ARHGAP32: variants seen among roughly 807,000 people sequenced by gnomAD.
ARHGAP32 encodes Rho GTPase activating protein 32, also known as rho GTPase-activating protein 32.
ARHGAP32 carries 51 observed loss-of-function variants against 186.5 expected under a neutral mutation model. That is an observed-to-expected ratio of 0.27 (90% CI 0.22 to 0.35). The LOEUF (loss-of-function observed/expected upper bound fraction) is 0.35, where lower values mean the gene tolerates loss of function less well. Ranked by LOEUF, ARHGAP32 falls within the 10% of genes least tolerant of loss-of-function variation. ARHGAP32 has a pLI of 1.00. For missense variants in ARHGAP32, 2,186 were observed against 2,623.5 expected (o/e 0.83, Z 3.64); for synonymous variants, 950 against 964.3 (o/e 0.99, Z 0.27).
At chr11:129,248,030 G>C (rs776390990) in intron 1 of ARHGAP32, among the ~76,000 whole-genome samples, 4 of 151,998 alleles carry the variant, frequency 2.6e-5, no homozygotes, top group Non-Finnish European at 5.9e-5. Context: ...AGGAAAGTGA[G>C]GGCCGGGCGT....
At chr11:128,972,101 T>C (rs1945392249) in intron 22 of ARHGAP32, 2 of 161,888 alleles carry the variant, frequency 1.2e-5, no homozygotes, top group South Asian at 2.0e-4. Flanking sequence ...GAGTCAGTGA[T>C]GGAGTTGGAA....
rs770772551 is a variant in ARHGAP32, at chr11:128,969,906, G to C, written c.5307C>G (p.Ile1769Met). 1.9e-6 allele frequency: 3 copies of C among 1,614,082 alleles called. No homozygotes were observed. Among genetic ancestry groups the C allele is most frequent in the African/African-American group, 2.7e-5 (2 of 74,926 alleles). The change falls in exon 23 of 23, where the codon ATC becomes ATG. Residue 1769 changes from isoleucine (I) to methionine (M), a missense_variant. Transcript: ENST00000682385. The surrounding 1 kb of genome is among the most constrained non-coding windows in gnomAD (Gnocchi z 4.8). ...EDMEKYRMQS[I>M]RRESRARQKV... The stretch of plus-strand genomic sequence containing the variant: ...TCTGCCGAGCACGGCTCTCTCTCCG[G>C]ATGGACTGCATGCGGTATTTTTCCA...
intron 10 of ARHGAP32, among the ~76,000 whole-genome samples, chr11:129,044,556 GA>G (rs1270242607): frequency 6.6e-6 from 1 of 152,152 alleles, no homozygotes; most frequent in Non-Finnish European, 1.5e-5. Context: ...TTGGCTACCA[GA>G]ACTGCTAGAG....
chr11:129,247,620 T>C (rs868424395), intron 1 of ARHGAP32, among the ~76,000 whole-genome samples: 3 of 152,244 alleles, frequency 2.0e-5, no homozygotes, highest in African/African-American at 7.2e-5. Flanking sequence ...ATGAAAGGTA[T>C]GATACAGCAA....
At chr11:129,149,507 T>C (rs1383099846) in intron 2 of ARHGAP32, among the ~76,000 whole-genome samples, 1 of 152,200 alleles carries the variant, frequency 6.6e-6, no homozygotes, top group Non-Finnish European at 1.5e-5. Context: ...CTGGTAGTCC[T>C]GCTGGGTGGC....
At chr11:129,010,631 A>C (rs1050533536) in intron 11 of ARHGAP32, among the ~76,000 whole-genome samples, 14 of 152,104 alleles carry the variant, frequency 9.2e-5, no homozygotes, top group Non-Finnish European at 4.4e-5. Context: ...TGAGTTCTCT[A>C]TTCTGGGAAA....
intron 2 of ARHGAP32, among the ~76,000 whole-genome samples, chr11:129,146,792 A>G (rs1943175506): frequency 1.3e-5 from 2 of 152,110 alleles, no homozygotes; most frequent in South Asian, 4.1e-4. Flanking sequence ...TGTTTATTAA[A>G]AAACTAATAT....
chr11:128,970,117 G>A lies in ARHGAP32; in HGVS notation c.5096C>T (p.Pro1699Leu), dbSNP rs1406933340. ...ATTGTAGAAAGCAAAGTCTCGATTG[G>A]GAAGGCGGTGAAGGGGTCTCAACTG... The part of the protein sequence containing the change: ...TVQLRPLHRL[P>L]NRDFAFYNPR... Residue 1699 changes from proline (P) to leucine (L), a missense_variant, in exon 23 of 23, where the codon CCC becomes CTC. Pro to Leu is a moderately conservative substitution (Grantham distance 98, BLOSUM62 -3). Around this residue, in one of 5 missense-constraint regions of ARHGAP32, gnomAD observed 1,502 missense variants for 1,570.0 expected, o/e 0.96. Coordinates refer to ENST00000682385, the MANE Select transcript of ARHGAP32 (RefSeq NM_001378024.1). The surrounding 1 kb of genome is among the most constrained non-coding windows in gnomAD (Gnocchi z 5.8). 1 of 1,614,206 alleles carries A rather than the reference G, an allele frequency of 6.2e-7. No homozygotes were observed.
intron 1 of ARHGAP32, among the ~76,000 whole-genome samples, chr11:129,211,722 C>A (rs1944584449): frequency 6.6e-6 from 1 of 152,214 alleles, no homozygotes; most frequent in Non-Finnish European, 1.5e-5. Flanking sequence ...CATTTGAAAA[C>A]TTCCACAGTT....
chr11:129,121,178 G>GTT (rs914675931), intron 5 of ARHGAP32, among the ~76,000 whole-genome samples: 1 of 148,472 alleles, frequency 6.7e-6, no homozygotes. Context: ...TAATATGATT[G>GTT]TTTTTTTTTT....
upstream of ARHGAP32, among the ~76,000 whole-genome samples, chr11:129,194,436 A>G (rs1944363196): frequency 6.6e-6 from 1 of 152,204 alleles, no homozygotes; most frequent in Non-Finnish European, 1.5e-5. Context: ...GCAGCCCTAC[A>G]GGTCACAATA....
intron 2 of ARHGAP32, among the ~76,000 whole-genome samples, chr11:129,139,791 G>A (rs900219632): frequency 3.9e-5 from 6 of 152,028 alleles, no homozygotes; most frequent in Admixed American, 6.5e-5. Flanking sequence ...TCCCAGTCTC[G>A]AATATGTCTT....
At chr11:129,105,798 C>T (rs190986668) in intron 5 of ARHGAP32, among the ~76,000 whole-genome samples, 2 of 152,130 alleles carry the variant, frequency 1.3e-5, no homozygotes, top group Non-Finnish European at 2.9e-5. Context: ...AAAAACTGTA[C>T]CTGAGAAGTC....
intron 12 of ARHGAP32, 135 bp from the exon 13 acceptor site, chr11:128,988,260 T>C: frequency 1.6e-6 from 1 of 608,598 alleles, no homozygotes; most frequent in Admixed American, 3.0e-5. Flanking sequence ...CAAAAATTAA[T>C]CCACTACAAA....
intron 2 of ARHGAP32, among the ~76,000 whole-genome samples, chr11:129,150,974 C>CTTGA (rs892450494): frequency 6.6e-6 from 1 of 151,232 alleles, no homozygotes; most frequent in Admixed American, 6.6e-5. Flanking sequence ...TATTTGCTGT[C>CTTGA]TTCAAGAGAC....
chr11:129,182,880 T>C (rs1010401021), intron 1 of ARHGAP32, among the ~76,000 whole-genome samples: 1 of 152,048 alleles, frequency 6.6e-6, no homozygotes, highest in Non-Finnish European at 1.5e-5. Flanking sequence ...ACTCCTGGCC[T>C]CAAGGGATCC....
At position 129,218,217 on chromosome 11, in the gene ARHGAP32, A is replaced by T. The variant is rs11221609; in HGVS notation, c.-4-53790T>A. Among the ~76,000 whole-genome samples the T allele has an allele frequency of 4.0e-3, 610 of 152,346 alleles. 2 individuals are homozygous for T. The highest frequency in any genetic ancestry group is 0.014 in the African/African-American group (581 of 41,584). On this transcript the variant is annotated intron_variant, in intron 1 of 6. Transcript: ENST00000525234. ...ATACGTTAAATAATATCTGTTTATT[A>T]TAAAGCTGATCCTGAGAACATAAGA...
intron 11 of ARHGAP32, among the ~76,000 whole-genome samples, chr11:129,009,328 AT>A (rs372141668): frequency 2.3e-3 from 352 of 151,922 alleles, no homozygotes; most frequent in African/African-American, 8.2e-3. Context: ...CTGGAAAACA[AT>A]TTTTTTTCTT....
Position 128,974,678 on chromosome 11 carries a change from T to C in ARHGAP32, c.2519A>G (p.Lys840Arg), listed in dbSNP as rs757634281. 4 of 1,614,202 alleles carry C rather than the reference T, an allele frequency of 2.5e-6. No individual in the cohort carries two copies. The highest frequency in any genetic ancestry group is 2.2e-5 in the South Asian group (2 of 91,084). Residue 840 changes from lysine (K) to arginine (R), a missense_variant, in exon 21 of 23, where the codon AAG (lysine) becomes AGG (arginine). Physicochemically the swap from Lys to Arg is conservative, Grantham distance 26. This residue lies in a region of ARHGAP32 where 263 missense variants were observed against 323.5 expected (regional missense o/e 0.81). Transcript: ENST00000682385. ...CTTTTTATTGGCACTTGGTTTATCC[T>C]TGGAGTATCCTGGTGAATCTAAAAA... ...ASFLDSPGYS[K>R]DKPSANKKDA...
Sources: gnomAD v4.1 joint callset for allele counts (sites outside exome capture counted in the v4.1 genomes callset) on GRCh38, gnomAD v4.1.1 for gene constraint, gnomAD v4.1.1 regional missense constraint, Gnocchi (gnomAD v3.1) non-coding constraint, MANE v1.5 for transcripts, NCBI Gene and HGNC (gene_info 2026-07-23, HGNC 2026-07-21) for gene names.